Variants in PANK2 observed in about 807,000 individuals in gnomAD.
PANK2 encodes the protein pantothenate kinase 2, mitochondrial.
PANK2 carries 36 observed loss-of-function variants against 43.1 expected under a neutral mutation model. That is an observed-to-expected ratio of 0.84 (90% CI 0.64 to 1.10). PANK2 has a LOEUF of 1.10. PANK2 is among the 50% of genes least tolerant of loss of function. The pLI is 0.00. For missense variants in PANK2, 576 were observed against 593.3 expected, an observed-to-expected ratio of 0.97 and a Z score of 0.30; for synonymous variants, 281 against 238.2, an observed-to-expected ratio of 1.18 and a Z score of -1.66.
At chr20:3,893,415 A>C (rs1039349283) in intron 1 of PANK2, among the ~76,000 whole-genome samples, 2 of 152,086 alleles carry the variant, frequency 1.3e-5, no homozygotes, top group Admixed American at 6.5e-5. Context: ...GGCATAATTA[A>C]ATAGAGTAAA....
intron 4 of PANK2, among the ~76,000 whole-genome samples, chr20:3,913,511 T>C (rs2090502701): frequency 6.6e-6 from 1 of 151,748 alleles, no homozygotes; most frequent in Non-Finnish European, 1.5e-5. Context: ...GCCTGGCTAA[T>C]TTTGTATTTT....
Position 3,913,827 on chromosome 20 carries a change from C to T in PANK2, c.1082+1193C>T, listed in dbSNP as rs552334750. Among the ~76,000 whole-genome samples, 952 of 135,342 alleles carry T rather than the reference C, an allele frequency of 7.0e-3. 11 individuals are homozygous for T. The highest frequency in any genetic ancestry group is 0.022 in the African/African-American group (815 of 36,286). The allele number at this position is 135,342 out of a possible 152,430, so 88.8% of individuals were successfully genotyped here. A position where few individuals can be genotyped will look rare whatever the true frequency, so the allele number is the denominator to read the frequency against. ...TTTTTGAGACGGAGTCTTGGTCTGT[C>T]GCCCAGGCTGGAGTGCAGTGGCGTG... is the stretch of plus-strand genomic sequence containing the variant. On this transcript the variant is annotated intron_variant, in intron 4 of 6. Coordinates refer to ENST00000610179, the MANE Select transcript of PANK2 (RefSeq NM_001386393.1).
intron 2 of PANK2, among the ~76,000 whole-genome samples, chr20:3,909,552 C>G (rs1446759038): frequency 6.6e-6 from 1 of 152,038 alleles, no homozygotes; most frequent in Non-Finnish European, 1.5e-5. Context: ...ACTAACATGC[C>G]TTGGAGTTCT....
chr20:3,910,875 G>A (rs771340682), intron 3 of PANK2, 45 bp downstream of exon 3: 40 of 1,610,686 alleles, frequency 2.5e-5, no homozygotes, highest in South Asian at 3.3e-5. Flanking sequence ...GTATCCTAAC[G>A]GGCTGAGTTT....
rs375741383 is a variant in PANK2 at position 3,889,685 on chromosome 20, G to T, written c.255G>T (p.Ser85=). 2.0e-4 allele frequency: 321 copies of T among 1,594,420 alleles called. No homozygotes were observed. The African/African-American group carries it at 3.3e-3, about 16-fold the overall frequency. Residue 85 remains serine (S), a synonymous_variant, in exon 1 of 7, where the codon TCG becomes TCT. Coordinates refer to ENST00000610179, the MANE Select transcript of PANK2 (RefSeq NM_001386393.1). Reference sequence around the variant, plus strand: ...TGGGCTCTTACAGCGGCCCCACCTCGGTCTCCCGCCAGCGCGTCGAAAGCC... The same window carrying T: ...TGGGCTCTTACAGCGGCCCCACCTCTGTCTCCCGCCAGCGCGTCGAAAGCC...
At chr20:3,891,483 T>G (rs2090122359) in intron 1 of PANK2, 1 of 152,236 alleles carries the variant, frequency 6.6e-6, no homozygotes, top group African/African-American at 2.4e-5. Flanking sequence ...GCTAGTGCGT[T>G]GTGAAATAGA....
intron 3 of PANK2, among the ~76,000 whole-genome samples, chr20:3,911,411 C>T (rs1271174179): frequency 1.3e-5 from 2 of 150,466 alleles, no homozygotes; most frequent in Non-Finnish European, 3.0e-5. Context: ...GGTGAAACCC[C>T]ATCTCTACTA....
intron 5 of PANK2, 112 bp from the exon 6 acceptor site, chr20:3,918,559 C>A (rs967820841): frequency 1.1e-4 from 156 of 1,437,350 alleles, no homozygotes; most frequent in Admixed American, 9.7e-4. Context: ...TAAATTTGAT[C>A]AGCAGTCAAA....
chr20:3,912,742 G>T, intron 4 of PANK2, 108 bp downstream of exon 4: 1 of 1,233,734 alleles, frequency 8.1e-7, no homozygotes, highest in East Asian at 2.4e-5. Context: ...ATGAGGTCAG[G>T]AGTTTGAGAC....
chr20:3,915,718 A>G (rs931504240), intron 4 of PANK2, among the ~76,000 whole-genome samples: 10 of 152,150 alleles, frequency 6.6e-5, no homozygotes, highest in African/African-American at 1.9e-4. Context: ...TCCTAGTACC[A>G]TTTGTTGAAA....
At chr20:3,897,662 T>C (rs985329627) in intron 1 of PANK2, among the ~76,000 whole-genome samples, 2 of 152,044 alleles carry the variant, frequency 1.3e-5, no homozygotes, top group East Asian at 3.9e-4. Flanking sequence ...ATTGTACCAC[T>C]GTACTCTAGC....
chr20:3,909,140 G>A (rs1157941836), intron 2 of PANK2, among the ~76,000 whole-genome samples: 2 of 152,186 alleles, frequency 1.3e-5, no homozygotes, highest in East Asian at 3.8e-4. Flanking sequence ...TTCCCAGGCT[G>A]GAATGCAATG....
rs1363747772 is a variant in PANK2 at position 3,929,843 on chromosome 20, A to G, written c.*6549A>G. The G allele has an allele frequency of 6.6e-6, 1 of 152,256 alleles. No individual in the cohort carries two copies. The highest frequency in any genetic ancestry group is 1.5e-5 in the Non-Finnish European group (1 of 68,044). The allele number at this position is 152,256 out of a possible 1,614,324, so 9.4% of individuals were successfully genotyped here. A position where few individuals can be genotyped will look rare whatever the true frequency, so the allele number is the denominator to read the frequency against. On this transcript the variant is annotated 3_prime_UTR_variant, in exon 7 of 7. Transcript: ENST00000610179. ...CAGATTCTGATTTGTACAGAAAACTAAAATTTCAGTATGTTGCAATAAAAT... is the reference window on the plus strand; with the variant it reads ...CAGATTCTGATTTGTACAGAAAACTGAAATTTCAGTATGTTGCAATAAAAT...
intron 5 of PANK2, 77 bp downstream of exon 5, chr20:3,917,127 C>T (rs1259802883): frequency 2.0e-5 from 32 of 1,569,108 alleles, no homozygotes; most frequent in South Asian, 1.2e-4. Context: ...TCTGTTTTCT[C>T]AGAACAGTGC....
chr20:3,909,934 G>C (rs920392734), intron 2 of PANK2, among the ~76,000 whole-genome samples: 1 of 152,126 alleles, frequency 6.6e-6, no homozygotes, highest in African/African-American at 2.4e-5. Context: ...TCCATAATAC[G>C]AATAATAATT....
chr20:3,918,916 G>GT (rs2090605780), intron 6 of PANK2, 120 bp downstream of exon 6: 20 of 1,545,686 alleles, frequency 1.3e-5, no homozygotes, highest in Middle Eastern at 1.7e-4. Context: ...TTTGTTTTTT[G>GT]TTTTTTTGAG....
chr20:3,907,762 T>C (rs957063937), intron 1 of PANK2, among the ~76,000 whole-genome samples, 164 bp from the exon 2 acceptor site: 3 of 152,320 alleles, frequency 2.0e-5, no homozygotes, highest in East Asian at 1.9e-4. Flanking sequence ...TTTTAAGTTA[T>C]GCATCTAAAT....
rs1361098976 is a variant in PANK2, at chr20:3,889,442, G to T, written c.12G>T (p.Leu4Phe). ...GAAGGAATCCGACGCTGGGGGGCTT[G>T]CTCGGGCGGCAGCGACTGCTGCTGC... Residue 4 changes from leucine (L) to phenylalanine (F), a missense_variant, in exon 1 of 7, where the codon TTG (leucine) becomes TTT (phenylalanine). By Grantham distance (22) the Leu-to-Phe change is conservative (BLOSUM62 0). Coordinates refer to ENST00000610179, the MANE Select transcript of PANK2 (RefSeq NM_001386393.1). The T allele has an allele frequency of 3.2e-6, 5 of 1,555,660 alleles. No homozygotes were observed. The highest frequency in any genetic ancestry group is 2.4e-5 in the East Asian group (1 of 42,494).
intron 2 of PANK2, chr20:3,908,865 C>T (rs535612114): frequency 6.3e-5 from 10 of 159,028 alleles, no homozygotes; most frequent in South Asian, 1.8e-4. Context: ...TGCTGCCAGG[C>T]GCTCTATCTT....
Sources: gnomAD v4.1 joint callset for allele counts (sites outside exome capture counted in the v4.1 genomes callset) on GRCh38, gnomAD v4.1.1 for gene constraint, MANE v1.5 for transcripts, NCBI Gene and HGNC (gene_info 2026-07-23, HGNC 2026-07-21) for gene names.